The following ADAM18 variants were observed in gnomAD, a reference collection of about 807,000 sequenced individuals.
The protein encoded by ADAM18 is disintegrin and metalloproteinase domain-containing protein 18.
Under a neutral mutation model 94.4 loss-of-function variants are expected in ADAM18, and 117 were observed. The ratio of observed to expected loss-of-function variants is 1.24; its 90% confidence interval spans 1.07 to 1.45. The LOEUF (loss-of-function observed/expected upper bound fraction) is 1.45, where lower values mean the gene tolerates loss of function less well. Ranked by LOEUF, ADAM18 falls within the 40% of genes most tolerant of loss-of-function variation. The pLI is 0.00. For missense variants in ADAM18, 936 were observed against 880.0 expected (o/e 1.06, Z -0.81); for synonymous variants, 327 against 291.6 (o/e 1.12, Z -1.24).
At chr8:39,700,329 G>A (rs1339851165) in intron 17 of ADAM18, among the ~76,000 whole-genome samples, 1 of 152,108 alleles carries the variant, frequency 6.6e-6, no homozygotes, top group Non-Finnish European at 1.5e-5. Flanking sequence ...ACTTATGTAA[G>A]CAGTTTTCTC....
chr8:39,628,991 A>G (rs1280759685), intron 6 of ADAM18, among the ~76,000 whole-genome samples: 2 of 152,060 alleles, frequency 1.3e-5, no homozygotes, highest in African/African-American at 2.4e-5. Flanking sequence ...AATATTTCCT[A>G]TATCTTTATG....
At chr8:39,622,059 C>T (rs917794484) in intron 6 of ADAM18, among the ~76,000 whole-genome samples, 2 of 152,094 alleles carry the variant, frequency 1.3e-5, no homozygotes, top group East Asian at 3.9e-4. Context: ...CCTGCATGTC[C>T]TGTACATGTA....
chr8:39,587,849 T>C (rs769410402), intron 2 of ADAM18, among the ~76,000 whole-genome samples: 2 of 152,208 alleles, frequency 1.3e-5, no homozygotes, highest in Non-Finnish European at 2.9e-5. Context: ...GTGGGTTCAT[T>C]CACGTCTCAA....
chr8:39,682,500 T>C (rs1821492022), intron 16 of ADAM18, among the ~76,000 whole-genome samples: 2 of 152,202 alleles, frequency 1.3e-5, no homozygotes, highest in South Asian at 2.1e-4. Flanking sequence ...GAGAGTCAAA[T>C]AAGAACTGAG....
intron 19 of ADAM18, among the ~76,000 whole-genome samples, chr8:39,727,255 T>A (rs1157283401): frequency 6.6e-6 from 1 of 152,216 alleles, no homozygotes; most frequent in African/African-American, 2.4e-5. Flanking sequence ...TTTTTAGTTA[T>A]GTTAATATCT....
At chr8:39,622,485 A>G (rs1330654097) in intron 6 of ADAM18, among the ~76,000 whole-genome samples, 1 of 151,804 alleles carries the variant, frequency 6.6e-6, no homozygotes, top group Non-Finnish European at 1.5e-5. Context: ...ATAGCATTAG[A>G]AGGAGAGACA....
chr8:39,620,357 C>CAAAAAAAAAAAAAAAAAAAAAA (rs61555393), intron 6 of ADAM18, among the ~76,000 whole-genome samples: 37 of 90,560 alleles, frequency 4.1e-4, no homozygotes, highest in Admixed American at 6.8e-4. Context: ...GCAACAAAAG[C>CAAAAAAAAAAAAAAAAAAAAAA]AAAAAAAAAA....
At chr8:39,626,151 T>C (rs527912059) in intron 6 of ADAM18, among the ~76,000 whole-genome samples, 1 of 152,190 alleles carries the variant, frequency 6.6e-6, no homozygotes, top group Non-Finnish European at 1.5e-5. Context: ...TAGGGTTGTG[T>C]GTTTCCAGGA....
At chr8:39,649,232 A>C (rs1820461391) in intron 12 of ADAM18, among the ~76,000 whole-genome samples, 1 of 152,056 alleles carries the variant, frequency 6.6e-6, no homozygotes, top group African/African-American at 2.4e-5. Context: ...CATACCATTA[A>C]ATTCTCTCAA....
At chr8:39,647,453 C>T (rs1235336340) in intron 11 of ADAM18, among the ~76,000 whole-genome samples, 1 of 152,174 alleles carries the variant, frequency 6.6e-6, no homozygotes, top group African/African-American at 2.4e-5. Flanking sequence ...AATGTACAAT[C>T]GGGTTTTATA....
chr8:39,667,891 C>T, intron 13 of ADAM18, 107 bp from the exon 14 acceptor site: 1 of 1,145,630 alleles, frequency 8.7e-7, no homozygotes, highest in Non-Finnish European at 1.2e-6. Flanking sequence ...CTCTGGTGTT[C>T]CCTCAAATAT....
chr8:39,724,729 CT>C (rs1380355088), intron 19 of ADAM18, among the ~76,000 whole-genome samples: 5 of 151,750 alleles, frequency 3.3e-5, no homozygotes, highest in African/African-American at 1.2e-4. Context: ...TAGCTGCATT[CT>C]ATACGTTTTG....
At position 39,634,740 on chromosome 8, in the gene ADAM18, T is replaced by A. The variant is rs187509842; in HGVS notation, c.589-2524T>A. Among the ~76,000 whole-genome samples, 50 of 152,338 alleles carry A rather than the reference T, an allele frequency of 3.3e-4. 1 individual carries two copies. The highest frequency in any genetic ancestry group is 3.2e-3 in the Admixed American group (49 of 15,294). On this transcript the variant is annotated intron_variant, in intron 7 of 19. Coordinates refer to ENST00000265707, the MANE Select transcript of ADAM18 (RefSeq NM_014237.3). ...TTGTTCAATTTCATAGACTCACAGCTGGAAATGAATTTGCCCCAGAATAAA... is the reference window on the plus strand; with the variant it reads ...TTGTTCAATTTCATAGACTCACAGCAGGAAATGAATTTGCCCCAGAATAAA...
intron 18 of ADAM18, among the ~76,000 whole-genome samples, chr8:39,712,504 T>C (rs889551393): frequency 4.6e-5 from 7 of 152,174 alleles, no homozygotes; most frequent in Non-Finnish European, 8.8e-5. Flanking sequence ...AGTCAAATTG[T>C]CCCTGTTTGC....
chr8:39,708,734 G>C (rs1448334252), intron 18 of ADAM18, among the ~76,000 whole-genome samples: 1 of 152,236 alleles, frequency 6.6e-6, no homozygotes, highest in Non-Finnish European at 1.5e-5. Context: ...ACTGGAACCA[G>C]CTGGCTGCTT....
At chr8:39,694,258 A>C (rs1407727623) in intron 17 of ADAM18, among the ~76,000 whole-genome samples, 1 of 151,328 alleles carries the variant, frequency 6.6e-6, no homozygotes, top group Non-Finnish European at 1.5e-5. Context: ...AATTAAAATT[A>C]TTCTTTTATT....
At chr8:39,728,050 A>G (rs201996) in intron 19 of ADAM18, among the ~76,000 whole-genome samples, 79,014 of 151,870 alleles carry the variant, frequency 0.52, 22,975 homozygotes, top group African/African-American at 0.79. Flanking sequence ...ATGTCACAAG[A>G]GAAAAGCAGG....
At chr8:39,641,115 T>G (rs1173007149) in intron 10 of ADAM18, among the ~76,000 whole-genome samples, 2 of 152,146 alleles carry the variant, frequency 1.3e-5, no homozygotes, top group African/African-American at 4.8e-5. Context: ...ACTGCATAGC[T>G]TGTCTTCCAG....
chr8:39,650,752 C>T (rs1348051933), intron 12 of ADAM18, among the ~76,000 whole-genome samples: 2 of 152,222 alleles, frequency 1.3e-5, no homozygotes, highest in East Asian at 3.9e-4. Context: ...ATCAAAATCC[C>T]AATAACATTT....
Sources: gnomAD v4.1 joint callset for allele counts (sites outside exome capture counted in the v4.1 genomes callset) on GRCh38, gnomAD v4.1.1 for gene constraint, MANE v1.5 for transcripts, NCBI Gene and HGNC (gene_info 2026-07-23, HGNC 2026-07-21) for gene names.